The following CDH2 variants were observed in gnomAD, a reference collection of about 807,000 sequenced individuals.
CDH2 encodes cadherin 2.
CDH2 carries 17 observed loss-of-function variants against 92.0 expected under a neutral mutation model. The observed-to-expected ratio is 0.18, with a 90% CI of 0.13 to 0.28. The LOEUF (loss-of-function observed/expected upper bound fraction) is 0.28. CDH2 is among the 10% of genes least tolerant of loss of function. The probability of loss-of-function intolerance (pLI) is 1.00; values close to 1 mark genes in which losing one functional copy is unlikely to be tolerated. For missense variants in CDH2, 862 were observed against 1,133.1 expected (o/e 0.76, Z 3.44); for synonymous variants, 419 against 415.9 (o/e 1.01, Z -0.09).
chr18:28,176,317 A>C (rs1336289107), intron 1 of CDH2, among the ~76,000 whole-genome samples: 2 of 152,156 alleles, frequency 1.3e-5, no homozygotes, highest in South Asian at 2.1e-4. Context: ...GCAGGCGCTG[A>C]CCGGCAGAGA....
chr18:28,171,601 G>A (rs572311722), intron 1 of CDH2, among the ~76,000 whole-genome samples: 1 of 152,166 alleles, frequency 6.6e-6, no homozygotes, highest in Admixed American at 6.5e-5. Context: ...AACCTATCAC[G>A]ATAAACTACG....
chr18:27,995,313 C>CAAAA (rs34313496), intron 7 of CDH2, among the ~76,000 whole-genome samples: 11 of 80,220 alleles, frequency 1.4e-4, no homozygotes, highest in Non-Finnish European at 1.4e-4. Flanking sequence ...GACTCCATCT[C>CAAAA]AAAAAAAAAA....
At chr18:28,058,737 T>A (rs1045360862) in intron 2 of CDH2, among the ~76,000 whole-genome samples, 18 of 152,192 alleles carry the variant, frequency 1.2e-4, no homozygotes, top group African/African-American at 4.1e-4. Context: ...CTAATCCGAC[T>A]GTTTATTTAA....
In CDH2 at chr18:27,985,734, G is replaced by A. The variant is rs201191002; in HGVS notation, c.1769C>T (p.Thr590Met). The A allele has an allele frequency of 1.1e-5, 18 of 1,610,332 alleles. No individual in the cohort carries two copies. The East Asian group carries it at 2.7e-4, about 24-fold the overall frequency. The change falls in exon 12 of 16, where the codon ACG (threonine) becomes ATG (methionine). Residue 590 changes from threonine to methionine, a missense_variant. Transcript: ENST00000269141. ...AATATCAAGTAAATAGATCTGCAGC[G>A]TTCCTGTTCCACTCATAGGAGGAAT... Reference protein sequence around the residue: ...NGIPPMSGTGTLQIYLLDIND... With the variant: ...NGIPPMSGTGMLQIYLLDIND...
intron 7 of CDH2, 66 bp downstream of exon 7, chr18:28,002,931 T>A (rs931196887): frequency 2.3e-6 from 3 of 1,324,654 alleles, no homozygotes; most frequent in African/African-American, 1.4e-5. Flanking sequence ...ATAAAATGTA[T>A]GTGATATGAT....
chr18:28,175,651 G>A (rs1259941748), intron 1 of CDH2, among the ~76,000 whole-genome samples: 1 of 152,142 alleles, frequency 6.6e-6, no homozygotes, highest in East Asian at 1.9e-4. Flanking sequence ...GAGCGCGCCA[G>A]GCCCTGACCC....
At chr18:28,032,001 C>T (rs2013708797) in intron 2 of CDH2, among the ~76,000 whole-genome samples, 1 of 151,986 alleles carries the variant, frequency 6.6e-6, no homozygotes. Flanking sequence ...TAGTATAGTA[C>T]TCTCTTCAAT....
intron 2 of CDH2, among the ~76,000 whole-genome samples, chr18:28,126,659 G>C (rs1160773834): frequency 6.6e-6 from 1 of 152,106 alleles, no homozygotes; most frequent in Admixed American, 6.5e-5. Flanking sequence ...GGGGTAAATT[G>C]CTCCAATTTT....
At chr18:27,971,286 A>G (rs1247779641) in intron 14 of CDH2, among the ~76,000 whole-genome samples, 5 of 149,052 alleles carry the variant, frequency 3.4e-5, no homozygotes, top group Admixed American at 6.7e-5. Context: ...ACACTGGCCT[A>G]TAGCATTTTT....
At chr18:28,175,580 G>A (rs2016525968) in intron 1 of CDH2, among the ~76,000 whole-genome samples, 1 of 152,122 alleles carries the variant, frequency 6.6e-6, no homozygotes, top group Non-Finnish European at 1.5e-5. Context: ...GAGAGACTGC[G>A]GAGGCCAGCC....
intron 15 of CDH2, among the ~76,000 whole-genome samples, chr18:27,958,609 A>T (rs891295091): frequency 2.0e-5 from 3 of 150,850 alleles, no homozygotes; most frequent in Non-Finnish European, 2.9e-5. Context: ...GTATATTTAT[A>T]TATGTATATA....
chr18:28,171,225 TAAA>T (rs56171991), intron 1 of CDH2, among the ~76,000 whole-genome samples: 3 of 130,394 alleles, frequency 2.3e-5, no homozygotes, highest in African/African-American at 5.8e-5. Flanking sequence ...AGACTGTCTT[TAAA>T]AAAAAAAAAA....
At chr18:28,145,644 C>T (rs1407888188) in intron 2 of CDH2, among the ~76,000 whole-genome samples, 2 of 152,028 alleles carry the variant, frequency 1.3e-5, no homozygotes, top group Admixed American at 6.6e-5. Context: ...AGATAACATG[C>T]TTGTGTTGAA....
At chr18:28,025,537 A>AATG (rs897252036) in intron 2 of CDH2, among the ~76,000 whole-genome samples, 6 of 149,638 alleles carry the variant, frequency 4.0e-5, no homozygotes, top group Non-Finnish European at 7.4e-5. Context: ...TAATAATAAT[A>AATG]ATAAAAATAA....
chr18:28,118,896 T>C (rs1266655589), intron 2 of CDH2, among the ~76,000 whole-genome samples: 4 of 152,108 alleles, frequency 2.6e-5, no homozygotes, highest in Admixed American at 1.3e-4. Context: ...AAGTATACTT[T>C]GTTATGTTAA....
At chr18:27,997,220 A>G (rs2012612025) in intron 7 of CDH2, among the ~76,000 whole-genome samples, 1 of 152,006 alleles carries the variant, frequency 6.6e-6, no homozygotes, top group Admixed American at 6.5e-5. Flanking sequence ...GTGCAGCACA[A>G]TTTTGAAACA....
chr18:28,153,498 TC>T (rs1472035669), intron 1 of CDH2, among the ~76,000 whole-genome samples: 4 of 152,204 alleles, frequency 2.6e-5, no homozygotes, highest in African/African-American at 9.6e-5. Flanking sequence ...ACAGGGTATG[TC>T]ACATGCCCAG....
At chr18:28,112,859 T>C (rs1335564422) in intron 2 of CDH2, among the ~76,000 whole-genome samples, 2 of 151,996 alleles carry the variant, frequency 1.3e-5, no homozygotes, top group African/African-American at 4.8e-5. Context: ...TTTGCAAGAG[T>C]GTATCCTAAT....
At chr18:27,974,214 A>G (rs2011750351) in intron 14 of CDH2, among the ~76,000 whole-genome samples, 2 of 152,208 alleles carry the variant, frequency 1.3e-5, no homozygotes, top group South Asian at 4.1e-4. Flanking sequence ...TTATTACTGT[A>G]TAATTCAATC....
Sources: allele counts gnomAD v4.1 joint callset (sites outside exome capture counted in the v4.1 genomes callset), GRCh38; gene constraint gnomAD v4.1.1; transcripts MANE v1.5; gene names NCBI Gene and HGNC (gene_info 2026-07-23, HGNC 2026-07-21).